Variants in SOX6 observed in about 807,000 individuals in gnomAD.
SOX6 encodes transcription factor SOX-6.
A neutral mutation model predicts 97.8 loss-of-function variants in SOX6; 11 were observed. The observed-to-expected ratio is 0.11, with a 90% confidence interval of 0.07 to 0.19. SOX6 has a LOEUF of 0.19. Among genes scored for constraint, SOX6 ranks in the 10% least tolerant of loss-of-function variants. The pLI is 1.00. For synonymous variants in SOX6, 360 were observed against 371.4 expected (o/e 0.97, Z 0.35); for missense variants, 810 against 1,039.5 (o/e 0.78, Z 3.04).
At chr11:16,724,051 A>G (rs893767729) in intron 2 of SOX6, among the ~76,000 whole-genome samples, 5 of 152,190 alleles carry the variant, frequency 3.3e-5, no homozygotes, top group Admixed American at 3.3e-4. Context: ...CATATAAGTA[A>G]TTTTTAAATT....
intron 4 of SOX6, among the ~76,000 whole-genome samples, chr11:16,609,925 T>G (rs1848377416): frequency 6.6e-6 from 1 of 152,186 alleles, no homozygotes; most frequent in Non-Finnish European, 1.5e-5. Flanking sequence ...GACTGGAAAT[T>G]CTGTCTCTAG....
chr11:16,564,269 C>T (rs1052844823), intron 4 of SOX6, among the ~76,000 whole-genome samples: 19 of 152,058 alleles, frequency 1.2e-4, no homozygotes, highest in Non-Finnish European at 4.4e-5. Context: ...ATGCACATTG[C>T]CTAATGTGGT....
At chr11:16,622,750 T>C (rs1254692019) in intron 3 of SOX6, among the ~76,000 whole-genome samples, 1 of 152,186 alleles carries the variant, frequency 6.6e-6, no homozygotes, top group Non-Finnish European at 1.5e-5. Context: ...CTCTTTTTCG[T>C]ATAATGACTT....
chr11:16,466,545 ATG>A (rs1231266115), intron 1 of SOX6, among the ~76,000 whole-genome samples: 1 of 151,348 alleles, frequency 6.6e-6, no homozygotes, highest in Non-Finnish European at 1.5e-5. Context: ...AATCTACAGA[ATG>A]GGGGAAGATT....
chr11:16,099,139 A>G (rs1848874931), intron 7 of SOX6, among the ~76,000 whole-genome samples: 1 of 151,792 alleles, frequency 6.6e-6, no homozygotes, highest in Admixed American at 6.6e-5. Flanking sequence ...TGCATTCACT[A>G]ACATTATATT....
chr11:16,089,358 AG>A (rs1350321028), intron 9 of SOX6, among the ~76,000 whole-genome samples: 1 of 152,132 alleles, frequency 6.6e-6, no homozygotes, highest in East Asian at 1.9e-4. Context: ...ACCAATTATA[AG>A]AGAAGAATGA....
intron 12 of SOX6, among the ~76,000 whole-genome samples, chr11:16,021,475 A>G (rs558628012): frequency 6.6e-6 from 1 of 152,180 alleles, no homozygotes; most frequent in African/African-American, 2.4e-5. Flanking sequence ...ATGAATGATC[A>G]AAAATGTAGG....
At chr11:16,382,584 A>T (rs1590174307) in intron 1 of SOX6, among the ~76,000 whole-genome samples, 1 of 152,020 alleles carries the variant, frequency 6.6e-6, no homozygotes, top group African/African-American at 2.4e-5. Flanking sequence ...CTGCACTGTA[A>T]TGCTTTTACC....
At chr11:16,390,283 G>A (rs528079657) in intron 1 of SOX6, among the ~76,000 whole-genome samples, 4 of 151,612 alleles carry the variant, frequency 2.6e-5, no homozygotes, top group East Asian at 1.9e-4. Flanking sequence ...TTTTGCAGCC[G>A]GCCCTCATAC....
intron 4 of SOX6, among the ~76,000 whole-genome samples, chr11:16,561,170 A>G (rs1395367626): frequency 6.6e-6 from 1 of 152,170 alleles, no homozygotes; most frequent in Non-Finnish European, 1.5e-5. Context: ...GGGAGGAATA[A>G]GAAAGGGAAT....
intron 3 of SOX6, among the ~76,000 whole-genome samples, chr11:16,291,344 C>A: frequency 7.7e-6 from 1 of 129,100 alleles, no homozygotes; most frequent in Non-Finnish European, 1.7e-5. Context: ...TAAGTAATAT[C>A]CTGCTCAATA....
chr11:16,503,574 G>A (rs148555651), intron 4 of SOX6, among the ~76,000 whole-genome samples: 44 of 152,136 alleles, frequency 2.9e-4, no homozygotes, highest in African/African-American at 7.0e-4. Flanking sequence ...GACACAGAGC[G>A]ACTGAAAGTA....
intron 12 of SOX6, among the ~76,000 whole-genome samples, chr11:16,028,334 T>C (rs1367877454): frequency 6.6e-6 from 1 of 152,246 alleles, no homozygotes; most frequent in Non-Finnish European, 1.5e-5. Context: ...GAAGATTACA[T>C]AAGCATATGC....
intron 3 of SOX6, among the ~76,000 whole-genome samples, chr11:16,257,018 T>G (rs533364819): frequency 6.6e-6 from 1 of 151,930 alleles, no homozygotes; most frequent in Admixed American, 6.6e-5. Context: ...TGTAAAAATC[T>G]ATATGAAGAA....
chr11:16,207,910 T>C (rs1004179245), intron 4 of SOX6, among the ~76,000 whole-genome samples: 2 of 152,152 alleles, frequency 1.3e-5, no homozygotes, highest in Non-Finnish European at 2.9e-5. Flanking sequence ...ATTTTATTTA[T>C]TCTTTATATA....
At chr11:16,643,781 G>A (rs1848964114) in intron 3 of SOX6, among the ~76,000 whole-genome samples, 1 of 152,158 alleles carries the variant, frequency 6.6e-6, no homozygotes, top group Admixed American at 6.5e-5. Context: ...TATTAGGGTG[G>A]GAGTGACCTG....
chr11:16,349,556 C>T (rs1856857447), intron 1 of SOX6, among the ~76,000 whole-genome samples: 1 of 151,642 alleles, frequency 6.6e-6, no homozygotes, highest in Non-Finnish European at 1.5e-5. Flanking sequence ...GTGGAGGTTG[C>T]AGTGAGCCAA....
In SOX6 at chr11:16,610,223, T is replaced by C. The variant is rs1848380382; in HGVS notation, n.609+1858A>G. On this transcript the variant is annotated intron_variant and non_coding_transcript_variant, in intron 4 of 5. Coordinates refer to the SOX6 transcript ENST00000524520. The surrounding 1 kb of genome is among the most constrained non-coding windows in gnomAD (Gnocchi z 4.4). ...CTAAAGAGGTCATCATTGAAGGACC[T>C]GTCCTAAATGCCTGCAGAGAGGAGA... Among the ~76,000 whole-genome samples, 2 of 152,238 alleles carry C rather than the reference T, an allele frequency of 1.3e-5. No individual in the cohort carries two copies. The highest frequency in any genetic ancestry group is 2.9e-5 in the Non-Finnish European group (2 of 68,042).
At chr11:16,438,223 G>A (rs769542218) in intron 1 of SOX6, among the ~76,000 whole-genome samples, 1 of 151,954 alleles carries the variant, frequency 6.6e-6, no homozygotes, top group Non-Finnish European at 1.5e-5. Context: ...GTGTCAATTT[G>A]CTTTGATTCA....
Sources: gnomAD v4.1 joint callset for allele counts (sites outside exome capture counted in the v4.1 genomes callset) on GRCh38, gnomAD v4.1.1 for gene constraint, Gnocchi (gnomAD v3.1) non-coding constraint, MANE v1.5 for transcripts, NCBI Gene and HGNC (gene_info 2026-07-23, HGNC 2026-07-21) for gene names.